The following PCDH7 variants were observed in gnomAD, a reference collection of about 807,000 sequenced individuals.
The protein encoded by PCDH7 is protocadherin-7.
A neutral mutation model predicts 58.9 loss-of-function variants in PCDH7; 17 were observed. The ratio of observed to expected loss-of-function variants is 0.29; its 90% CI spans 0.20 to 0.43. PCDH7 has a LOEUF of 0.43. Among genes scored for constraint, PCDH7 ranks in the 20% least tolerant of loss-of-function variants. The pLI, the probability that PCDH7 is intolerant of heterozygous loss-of-function variation, is 1.00. For missense variants in PCDH7, 1,274 were observed against 1,441.0 expected, an observed-to-expected ratio of 0.88 and a Z score of 1.88; for synonymous variants, 664 against 616.4, an observed-to-expected ratio of 1.08 and a Z score of -1.14.
At chr4:30,964,122 G>A in intron 3 of PCDH7, among the ~76,000 whole-genome samples, 1 of 152,168 alleles carries the variant, frequency 6.6e-6, no homozygotes, top group East Asian at 1.9e-4. Context: ...AACCCACTGG[G>A]TGCTTCAGAG....
chr4:30,887,823 G>A (rs1430499163), intron 1 of PCDH7, among the ~76,000 whole-genome samples: 1 of 151,712 alleles, frequency 6.6e-6, no homozygotes, highest in East Asian at 1.9e-4. Context: ...CATAAGAGAA[G>A]AAACAATGAG....
chr4:30,746,496 A>C (rs1395576901), intron 1 of PCDH7, among the ~76,000 whole-genome samples: 1 of 152,118 alleles, frequency 6.6e-6, no homozygotes, highest in African/African-American at 2.4e-5. Flanking sequence ...TTTGGCATCT[A>C]ATCTTCCTAG....
At chr4:30,885,454 G>C (rs887610108) in intron 1 of PCDH7, among the ~76,000 whole-genome samples, 1 of 152,086 alleles carries the variant, frequency 6.6e-6, no homozygotes, top group Non-Finnish European at 1.5e-5. Context: ...TAATGAGCAC[G>C]ATGTGAGTGT....
At chr4:30,943,492 T>C (rs1319767222) in intron 2 of PCDH7, among the ~76,000 whole-genome samples, 1 of 152,100 alleles carries the variant, frequency 6.6e-6, no homozygotes, top group Admixed American at 6.6e-5. Context: ...TTGAACAAAA[T>C]CTGTCAAAAC....
At chr4:30,983,684 TA>T (rs2109113528) in intron 3 of PCDH7, among the ~76,000 whole-genome samples, 1 of 152,316 alleles carries the variant, frequency 6.6e-6, no homozygotes, top group Non-Finnish European at 1.5e-5. Flanking sequence ...CAAGTGGCCA[TA>T]ATCAGTATGC....
At chr4:31,013,592 T>C (rs1286046818) in intron 3 of PCDH7, among the ~76,000 whole-genome samples, 2 of 146,364 alleles carry the variant, frequency 1.4e-5, no homozygotes, top group Admixed American at 6.9e-5. Context: ...ATATATTTTA[T>C]ACACACACAC....
chr4:31,098,039 C>T (rs994267046), intron 3 of PCDH7, among the ~76,000 whole-genome samples: 8 of 152,158 alleles, frequency 5.3e-5, no homozygotes, highest in African/African-American at 1.9e-4. Context: ...GGGTGCAGCA[C>T]TGTAACCCAA....
intron 1 of PCDH7, among the ~76,000 whole-genome samples, chr4:30,817,100 A>C (rs1001015647): frequency 3.3e-5 from 5 of 152,222 alleles, no homozygotes; most frequent in Non-Finnish European, 5.9e-5. Flanking sequence ...TAAATAAAGA[A>C]ATTCTCAAAT....
intron 1 of PCDH7, among the ~76,000 whole-genome samples, chr4:30,806,928 T>C (rs971589756): frequency 6.6e-6 from 1 of 152,222 alleles, no homozygotes; most frequent in East Asian, 1.9e-4. Flanking sequence ...TCATCCAATT[T>C]CTTAAATTTT....
intron 3 of PCDH7, among the ~76,000 whole-genome samples, chr4:31,061,405 A>T (rs1286985288): frequency 1.3e-5 from 2 of 151,608 alleles, no homozygotes; most frequent in African/African-American, 2.4e-5. Context: ...AAATCTAAAG[A>T]TTATAGTTTT....
At chr4:31,111,168 C>T (rs559219163) in intron 3 of PCDH7, among the ~76,000 whole-genome samples, 1 of 152,132 alleles carries the variant, frequency 6.6e-6, no homozygotes, top group African/African-American at 2.4e-5. Flanking sequence ...TTATTACAAA[C>T]TGCAAACAAA....
chr4:30,853,199 T>G (rs1218370193), intron 1 of PCDH7, among the ~76,000 whole-genome samples: 2 of 152,274 alleles, frequency 1.3e-5, no homozygotes, highest in Admixed American at 6.6e-5. Flanking sequence ...ATTTGAATCC[T>G]GATCCATCCC....
intron 3 of PCDH7, among the ~76,000 whole-genome samples, chr4:30,982,781 T>G (rs1750677845): frequency 6.6e-6 from 1 of 152,174 alleles, no homozygotes; most frequent in African/African-American, 2.4e-5. Flanking sequence ...GTATGATCTC[T>G]TCTACTGTCC....
chr4:31,083,972 A>T (rs1711968265), intron 3 of PCDH7, among the ~76,000 whole-genome samples: 1 of 152,240 alleles, frequency 6.6e-6, no homozygotes, highest in Non-Finnish European at 1.5e-5. Context: ...TGAGAAATCC[A>T]TAATCATTTA....
At chr4:30,858,735 C>G (rs781451039) in intron 1 of PCDH7, among the ~76,000 whole-genome samples, 2 of 152,120 alleles carry the variant, frequency 1.3e-5, no homozygotes, top group Non-Finnish European at 2.9e-5. Context: ...TGATTTCCTA[C>G]CATTGGGTTA....
chr4:30,977,243 A>G (rs1750152877), intron 3 of PCDH7, among the ~76,000 whole-genome samples: 1 of 152,154 alleles, frequency 6.6e-6, no homozygotes, highest in Non-Finnish European at 1.5e-5. Context: ...CCACTTTTAC[A>G]ATAGAGTGGA....
In PCDH7 at chr4:31,054,979, T is replaced by C. The variant is rs140412513; in HGVS notation, c.*8-87494T>C. Among the ~76,000 whole-genome samples the C allele has an allele frequency of 3.0e-4, 45 of 152,316 alleles. 2 individuals carry two copies. Among genetic ancestry groups the C allele is most frequent in the African/African-American group, 9.6e-4 (40 of 41,580 alleles). ...TACTAACTGCTGTAATGATCTTATA[T>C]TGGCTTGCTTTCTTCTTCTTTTTTA... is the stretch of plus-strand genomic sequence containing the variant. On this transcript the variant is annotated intron_variant, in intron 3 of 3. Transcript: ENST00000509759.
At chr4:30,988,393 A>G (rs1054864606) in intron 3 of PCDH7, among the ~76,000 whole-genome samples, 1 of 152,206 alleles carries the variant, frequency 6.6e-6, no homozygotes, top group African/African-American at 2.4e-5. Flanking sequence ...ACTCTTAGTT[A>G]TAAACAGTTG....
At chr4:30,835,621 G>A (rs1730396216) in intron 1 of PCDH7, among the ~76,000 whole-genome samples, 1 of 152,038 alleles carries the variant, frequency 6.6e-6, no homozygotes, top group South Asian at 2.1e-4. Context: ...TGGAAGAGAG[G>A]GCATAGTAGG....
Sources: allele counts gnomAD v4.1 joint callset (sites outside exome capture counted in the v4.1 genomes callset), GRCh38; gene constraint gnomAD v4.1.1; transcripts MANE v1.5; gene names NCBI Gene and HGNC (gene_info 2026-07-23, HGNC 2026-07-21).